Variants in RHBDF2 observed in about 807,000 individuals in gnomAD.
RHBDF2 encodes the protein rhomboid 5 homolog 2.
In RHBDF2, 38 loss-of-function variants were observed where a neutral mutation model predicts 95.2. The observed-to-expected ratio is 0.40, with a 90% CI of 0.31 to 0.52. RHBDF2 has a LOEUF of 0.52. Among genes scored for constraint, RHBDF2 ranks in the 20% least tolerant of loss-of-function variants. The pLI, the probability that RHBDF2 is intolerant of heterozygous loss-of-function variation, is 0.56. For missense variants in RHBDF2, 863 were observed against 1,137.7 expected, an observed-to-expected ratio of 0.76 and a Z score of 3.47; for synonymous variants, 442 against 462.0, an observed-to-expected ratio of 0.96 and a Z score of 0.55.
rs998696874 is a variant in RHBDF2 at position 76,479,187 on chromosome 17, G to A, written c.363C>T (p.Arg121=). ...QRRSLHHCSM[R]YGRLKASCQR... ...GGCACGAGGCCTTCAGGCGGCCGTA[G>A]CGCATGCTGCAGTGGTGCAGGCTGC... The change falls in exon 5 of 19, where the codon CGC becomes CGT. Residue 121 remains arginine, a synonymous_variant. Transcript: ENST00000675367. The A allele has an allele frequency of 6.2e-7, 1 of 1,612,036 alleles. No individual in the cohort carries two copies. The highest frequency in any genetic ancestry group is 1.3e-5 in the African/African-American group (1 of 74,938).
In RHBDF2 at chr17:76,472,154, C is replaced by A. The variant is rs1433794340; in HGVS notation, c.2065-102G>T. 3.4e-5 allele frequency: 42 copies of A among 1,218,548 alleles called. No individual in the cohort carries two copies. The East Asian group carries it at 1.1e-3, about 31-fold the overall frequency. 75.5% of individuals were successfully genotyped at this position (1,218,548 alleles called of 1,614,324 possible). A position where few individuals can be genotyped will look rare whatever the true frequency, so the allele number is the denominator to read the frequency against. ...CATCGATCAGCTCCTCCCTGGCAGGCATGGGGACCCCTGAGGCTGAGGGGC... is the reference window on the plus strand; with the variant it reads ...CATCGATCAGCTCCTCCCTGGCAGGAATGGGGACCCCTGAGGCTGAGGGGC... On this transcript the variant is annotated intron_variant, in intron 18 of 18. Transcript: ENST00000675367.
At chr17:76,493,705 C>T (rs1409120704) in intron 1 of RHBDF2, among the ~76,000 whole-genome samples, 1 of 152,176 alleles carries the variant, frequency 6.6e-6, no homozygotes, top group African/African-American at 2.4e-5. Flanking sequence ...CCCCAGAGGC[C>T]GGAGCTGGTG....
chr17:76,495,362 G>A (rs113732516), intron 1 of RHBDF2, among the ~76,000 whole-genome samples: 1,571 of 152,300 alleles, frequency 0.01, 29 homozygotes, highest in African/African-American at 0.035. Context: ...GAGCCCACCC[G>A]GTTTCCACCT....
intron 1 of RHBDF2, among the ~76,000 whole-genome samples, chr17:76,496,308 C>T (rs1300851633): frequency 6.6e-6 from 1 of 152,240 alleles, no homozygotes; most frequent in East Asian, 1.9e-4. Context: ...GGACAGATCT[C>T]TATTCGACAG....
Position 76,477,682 on chromosome 17 carries a change from G to A in RHBDF2, c.776C>T (p.Thr259Met), listed in dbSNP as rs780237949. Residue 259 changes from threonine (T) to methionine (M), a missense_variant, in exon 7 of 19, where the codon ACG becomes ATG. Physicochemically the swap from Thr to Met is moderately conservative, Grantham distance 81. Around this residue, in one of 2 missense-constraint regions of RHBDF2, gnomAD observed 611 missense variants for 725.5 expected, o/e 0.84. Coordinates refer to ENST00000675367, the MANE Select transcript of RHBDF2 (RefSeq NM_001005498.4). Reference sequence around the variant, plus strand: ...CTTACTAAAAAAGGAGGAGTCAAACGTGTCTGCCCCATCGACCACATCCTC... The same window carrying A: ...CTTACTAAAAAAGGAGGAGTCAAACATGTCTGCCCCATCGACCACATCCTC... ...LEEDVVDGAD[T>M]FDSSFFSKEE... 29 of 1,613,978 alleles carry A rather than the reference G, an allele frequency of 1.8e-5. No homozygotes were observed. In the East Asian group the frequency reaches 3.8e-4, roughly 21 times the overall value.
Position 76,471,940 on chromosome 17 carries a change from A to G in RHBDF2, c.2177T>C (p.Ile726Thr). 6.4e-7 allele frequency: 1 copy of G among 1,571,694 alleles called. No homozygotes were observed. The highest frequency in any genetic ancestry group is 8.6e-7 in the Non-Finnish European group (1 of 1,158,252). The change falls in exon 19 of 19, where the codon ATC becomes ACC. Residue 726 changes from isoleucine to threonine, a missense_variant. Ile to Thr is a moderately conservative substitution (Grantham distance 89, BLOSUM62 -1). Coordinates refer to ENST00000675367, the MANE Select transcript of RHBDF2 (RefSeq NM_001005498.4). Reference protein sequence around the residue: ...PWKAFLNLSAIVLFLFICGLL... With the variant: ...PWKAFLNLSATVLFLFICGLL... Reference sequence around the variant, plus strand: ...GCCACAGATGAACAGGAAGAGCACGATGGCCGAGAGGTTGAGGAAGGCCTT... The same window carrying G: ...GCCACAGATGAACAGGAAGAGCACGGTGGCCGAGAGGTTGAGGAAGGCCTT...
chr17:76,473,603 CG>C (rs552399716), intron 15 of RHBDF2, 44 bp downstream of exon 15: 20 of 1,507,044 alleles, frequency 1.3e-5, no homozygotes, highest in South Asian at 5.9e-5. Context: ...AGCCGCAGCT[CG>C]GGGGGGCAGT....
intron 1 of RHBDF2, among the ~76,000 whole-genome samples, chr17:76,492,475 G>A (rs1383708072): frequency 6.6e-6 from 1 of 152,148 alleles, no homozygotes; most frequent in Non-Finnish European, 1.5e-5. Flanking sequence ...CGCACAGCTG[G>A]GTAAGCAAGG....
intron 2 of RHBDF2, among the ~76,000 whole-genome samples, chr17:76,484,812 G>A (rs1213153271): frequency 6.6e-6 from 1 of 152,166 alleles, no homozygotes; most frequent in Non-Finnish European, 1.5e-5. Context: ...GCTCTGCTGG[G>A]GGTGGGGTTC....
intron 1 of RHBDF2, among the ~76,000 whole-genome samples, chr17:76,497,852 C>T (rs1374732519): frequency 6.6e-6 from 1 of 152,192 alleles, no homozygotes; most frequent in African/African-American, 2.4e-5. Flanking sequence ...TGGAATCCTC[C>T]TCCATCCTTT....
chr17:76,483,762 A>G (rs2074040070), intron 2 of RHBDF2, among the ~76,000 whole-genome samples: 2 of 152,220 alleles, frequency 1.3e-5, no homozygotes, highest in Admixed American at 6.5e-5. Flanking sequence ...TTACAAGACC[A>G]AGTTCTGGAA....
chr17:76,492,197 T>A (rs1379160810), intron 1 of RHBDF2, among the ~76,000 whole-genome samples: 2 of 151,880 alleles, frequency 1.3e-5, no homozygotes, highest in East Asian at 1.9e-4. Flanking sequence ...TCCTTTAGGG[T>A]GGGGCGGGGG....
chr17:76,483,851 G>A (rs916183981), intron 2 of RHBDF2, among the ~76,000 whole-genome samples: 2 of 152,156 alleles, frequency 1.3e-5, no homozygotes, highest in African/African-American at 4.8e-5. Context: ...GGGCTTTCCT[G>A]TGCGTGTGCC....
intron 1 of RHBDF2, among the ~76,000 whole-genome samples, chr17:76,488,431 C>T (rs188411584): frequency 3.2e-4 from 48 of 151,918 alleles, no homozygotes; most frequent in African/African-American, 9.2e-4. Context: ...ACCTGGGAGG[C>T]GGAGGTTGCA....
At chr17:76,492,600 C>T (rs1419259896) in intron 1 of RHBDF2, among the ~76,000 whole-genome samples, 2 of 152,204 alleles carry the variant, frequency 1.3e-5, no homozygotes, top group Admixed American at 1.3e-4. Flanking sequence ...CAGCCCACTG[C>T]CCCTCCCAAC....
At position 76,479,750 on chromosome 17, in the gene RHBDF2, C is replaced by T. The variant is rs1272626131; in HGVS notation, c.255G>A (p.Leu85=). ...KRPGFRRQAS[L]SQSIRKGAAQ... is the part of the protein sequence containing the mutation. ...GGGCTCACTTGCGGATGCTCTGGGA[C>T]AGTGAGGCCTGGCGGCGGAAGCCAG... is the stretch of plus-strand genomic sequence containing the variant. Residue 85 remains leucine, a synonymous_variant, in exon 4 of 19, where the codon CTG becomes CTA. Coordinates refer to ENST00000675367, the MANE Select transcript of RHBDF2 (RefSeq NM_001005498.4). 4 of 1,610,822 alleles carry T rather than the reference C, an allele frequency of 2.5e-6. No homozygotes were observed. The highest frequency in any genetic ancestry group is 3.4e-6 in the Non-Finnish European group (4 of 1,179,832).
rs546224907 is a variant in RHBDF2 at position 76,478,927 on chromosome 17, G to A, written c.551C>T (p.Thr184Ile). The change falls in exon 6 of 19, where the codon ACC becomes ATC. Residue 184 changes from threonine to isoleucine, a missense_variant. Physicochemically the swap from Thr to Ile is moderately conservative, Grantham distance 89. Coordinates refer to ENST00000675367, the MANE Select transcript of RHBDF2 (RefSeq NM_001005498.4). ...GGAGGTGAGGGACAGGACTCCGGGGGTCAGCGGTGGGTGCGGGGCGTGGGG... is the reference window on the plus strand; with the variant it reads ...GGAGGTGAGGGACAGGACTCCGGGGATCAGCGGTGGGTGCGGGGCGTGGGG... The part of the protein sequence containing the change: ...DRPHAPHPPL[T>I]PGVLSLTSFT... 1.9e-6 allele frequency: 3 copies of A among 1,606,374 alleles called. No individual in the cohort carries two copies. Among genetic ancestry groups the A allele is most frequent in the Non-Finnish European group, 2.6e-6 (3 of 1,175,992 alleles).
intron 1 of RHBDF2, among the ~76,000 whole-genome samples, chr17:76,493,817 T>A (rs2074368299): frequency 6.6e-6 from 1 of 152,152 alleles, no homozygotes; most frequent in Non-Finnish European, 1.5e-5. Flanking sequence ...TTCACACAGC[T>A]CCCCAGACAT....
At chr17:76,499,353 G>A (rs1048206342) in intron 1 of RHBDF2, among the ~76,000 whole-genome samples, 29 of 152,094 alleles carry the variant, frequency 1.9e-4, no homozygotes, top group Non-Finnish European at 2.2e-4. Flanking sequence ...TGCTTCATCC[G>A]ATCCTCTCCC....
Sources: gnomAD v4.1 joint callset for allele counts (sites outside exome capture counted in the v4.1 genomes callset) on GRCh38, gnomAD v4.1.1 for gene constraint, gnomAD v4.1.1 regional missense constraint, MANE v1.5 for transcripts, NCBI Gene and HGNC (gene_info 2026-07-23, HGNC 2026-07-21) for gene names.